OR1M1: variants seen among roughly 807,000 people sequenced by gnomAD.
OR1M1 encodes olfactory receptor 1M1.
For synonymous variants in OR1M1, 157 were observed against 165.5 expected (o/e 0.95, Z 0.39); for missense variants, 397 against 401.8 (o/e 0.99, Z 0.10).
chr19:9,093,695 T>C lies in OR1M1; in HGVS notation c.451T>C (p.Phe151Leu), dbSNP rs375660862. The change falls in exon 2 of 2, where the codon TTT becomes CTT. Residue 151 changes from phenylalanine (F) to leucine (L), a missense_variant. By Grantham distance (22) the Phe-to-Leu change is conservative. Transcript: ENST00000641627. Reference protein sequence around the residue: ...CRLLVGALWAFSCFISLTHIL... With the variant: ...CRLLVGALWALSCFISLTHIL... ...CCTGCTGGTCGGCGCCCTCTGGGCG[T>C]TTTCCTGCTTCATCTCACTCACTCA... 3.1e-6 allele frequency: 5 copies of C among 1,613,912 alleles called. No individual in the cohort carries two copies. The highest frequency in any genetic ancestry group is 1.6e-4 in the Middle Eastern group (1 of 6,062).
rs2050311469 is a variant in OR1M1 at position 9,093,887 on chromosome 19, C to G, written c.643C>G (p.Leu215Val). 6.2e-7 allele frequency: 1 copy of G among 1,614,060 alleles called. No individual in the cohort carries two copies. Among genetic ancestry groups the G allele is most frequent in the Non-Finnish European group, 8.5e-7 (1 of 1,180,048 alleles). Residue 215 changes from leucine to valine, a missense_variant, in exon 2 of 2, where the codon CTG becomes GTG. By Grantham distance (32) the Leu-to-Val change is conservative (BLOSUM62 1). Coordinates refer to ENST00000641627, the MANE Select transcript of OR1M1 (RefSeq NM_001004456.2). ...MVIATPFVCI[L>V]ASYARILVAI... ...GATAGCCACGCCCTTTGTCTGCATC[C>G]TGGCCTCCTATGCTCGCATCCTTGT...
chr19:9,093,738 G>A lies in OR1M1; in HGVS notation c.494G>A (p.Arg165His), dbSNP rs145395343. 3.6e-5 allele frequency: 58 copies of A among 1,613,954 alleles called. No homozygotes were observed. The African/African-American group carries it at 3.9e-4, about 11-fold the overall frequency. Reference protein sequence around the residue: ...ISLTHILLMARLVFCGSHEVP... With the variant: ...ISLTHILLMAHLVFCGSHEVP... ...CTCACTCACATCCTCCTGATGGCCC[G>A]TCTCGTTTTCTGCGGCAGCCATGAG... Residue 165 changes from arginine to histidine, a missense_variant, in exon 2 of 2, where the codon CGT (arginine) becomes CAT (histidine). Physicochemically the swap from Arg to His is conservative, Grantham distance 29. Coordinates refer to ENST00000641627, the MANE Select transcript of OR1M1 (RefSeq NM_001004456.2).
At chr19:9,092,904 A>AATAT (rs1245761464) in intron 1 of OR1M1, among the ~76,000 whole-genome samples, 1 of 149,556 alleles carries the variant, frequency 6.7e-6, no homozygotes, top group African/African-American at 2.4e-5. Flanking sequence ...CTGTCTCAAA[A>AATAT]ATATATATAT....
chr19:9,093,170 C>T (rs1290379328), intron 1 of OR1M1, 62 bp from the exon 2 acceptor site: 12 of 960,618 alleles, frequency 1.2e-5, no homozygotes, highest in Non-Finnish European at 1.9e-5. Context: ...GATGTGATCG[C>T]ATCTAACTTT....
intron 1 of OR1M1, among the ~76,000 whole-genome samples, chr19:9,090,754 G>C (rs1216991368): frequency 3.3e-5 from 5 of 151,992 alleles, no homozygotes; most frequent in Admixed American, 3.3e-4. Flanking sequence ...TTGTTTCAAA[G>C]GAAGATAATT....
intron 1 of OR1M1, among the ~76,000 whole-genome samples, chr19:9,088,286 T>C (rs7258981): frequency 0.29 from 43,921 of 151,974 alleles, 6,800 homozygotes; most frequent in African/African-American, 0.4. Context: ...ATTCCCCATG[T>C]TGGGTCTTGG....
chr19:9,092,320 G>A (rs1482913550), intron 1 of OR1M1, among the ~76,000 whole-genome samples: 1 of 151,976 alleles, frequency 6.6e-6, no homozygotes, highest in Non-Finnish European at 1.5e-5. Context: ...CAGGCCAAGT[G>A]CGGTAGCTCA....
At chr19:9,089,893 A>G (rs556122215) in intron 1 of OR1M1, among the ~76,000 whole-genome samples, 16 of 152,282 alleles carry the variant, frequency 1.1e-4, no homozygotes, top group Middle Eastern at 3.4e-3. Flanking sequence ...CTGTGAATTC[A>G]TGAATCCATG....
At chr19:9,090,669 G>C (rs2050287329) in intron 1 of OR1M1, among the ~76,000 whole-genome samples, 1 of 151,642 alleles carries the variant, frequency 6.6e-6, no homozygotes, top group Non-Finnish European at 1.5e-5. Context: ...CCCGACCTCA[G>C]GTGATCCGCC....
Position 9,091,424 on chromosome 19 carries a change from T to A in OR1M1, c.-13-1808T>A, listed in dbSNP as rs1399763418. Among the ~76,000 whole-genome samples the A allele has an allele frequency of 3.3e-5, 5 of 152,102 alleles. No homozygotes were observed. The East Asian group carries it at 9.7e-4, about 29-fold the overall frequency. On this transcript the variant is annotated intron_variant, in intron 1 of 1. Coordinates refer to ENST00000641627, the MANE Select transcript of OR1M1 (RefSeq NM_001004456.2). ...ACATGCTAAGAATAAAGCTGTTGGA[T>A]GTGAACTAAGGAGCACGTTGCTATT... is the stretch of plus-strand genomic sequence containing the variant.
Position 9,093,673 on chromosome 19 carries a change from G to C in OR1M1, c.429G>C (p.Leu143=). The change falls in exon 2 of 2, where the codon CTG becomes CTC. Residue 143 remains leucine (L), a synonymous_variant. Transcript: ENST00000641627. ...TCATGAGCCTACGCCTCTGTCGCCT[G>C]CTGGTCGGCGCCCTCTGGGCGTTTT... ...AKIMSLRLCR[L]LVGALWAFSC... 2 of 1,614,132 alleles carry C rather than the reference G, an allele frequency of 1.2e-6. No homozygotes were observed. The highest frequency in any genetic ancestry group is 2.2e-5 in the South Asian group (2 of 91,084).
chr19:9,092,234 T>C (rs1234083185), intron 1 of OR1M1, among the ~76,000 whole-genome samples: 1 of 151,840 alleles, frequency 6.6e-6, no homozygotes, highest in African/African-American at 2.4e-5. Context: ...CATTTTTTAA[T>C]TAATCAAAAA....
chr19:9,088,387 G>A (rs949583414), intron 1 of OR1M1, among the ~76,000 whole-genome samples: 3 of 152,072 alleles, frequency 2.0e-5, no homozygotes, highest in Non-Finnish European at 2.9e-5. Context: ...TGCTTCCTTG[G>A]AGAGAGGCTC....
chr19:9,090,370 T>A (rs1353993793), intron 1 of OR1M1, among the ~76,000 whole-genome samples: 2 of 152,224 alleles, frequency 1.3e-5, no homozygotes, highest in Non-Finnish European at 2.9e-5. Flanking sequence ...ATCTGCAAGG[T>A]GTTCATTAGA....
chr19:9,093,909 T>C lies in OR1M1; in HGVS notation c.665T>C (p.Leu222Pro), dbSNP rs2050311716. ...ATCCTGGCCTCCTATGCTCGCATCC[T>C]TGTGGCCATCATGAAGGTCCCCTCT... is the stretch of plus-strand genomic sequence containing the variant. ...VCILASYARILVAIMKVPSAG... is the reference protein window; with the variant it reads ...VCILASYARIPVAIMKVPSAG... The change falls in exon 2 of 2, where the codon CTT (leucine) becomes CCT (proline). Residue 222 changes from leucine to proline, a missense_variant. By Grantham distance (98) the Leu-to-Pro change is moderately conservative. Coordinates refer to ENST00000641627, the MANE Select transcript of OR1M1 (RefSeq NM_001004456.2). 7 of 1,614,210 alleles carry C rather than the reference T, an allele frequency of 4.3e-6. No homozygotes were observed. The highest frequency in any genetic ancestry group is 1.1e-5 in the South Asian group (1 of 91,086).
rs2050268981 is a variant in OR1M1, at chr19:9,087,084, T to C, written c.-87T>C. 6.6e-6 allele frequency: 1 copy of C among 152,028 alleles called. No homozygotes were observed. The highest frequency in any genetic ancestry group is 2.1e-4 in the South Asian group (1 of 4,810). 9.4% of individuals were successfully genotyped at this position (152,028 alleles called of 1,614,324 possible). Reference sequence around the variant, plus strand: ...CCAAACATCTAACTTCATCATCTAGTACCTGCTGGGAGGACACTGAGCCAG... The same window carrying C: ...CCAAACATCTAACTTCATCATCTAGCACCTGCTGGGAGGACACTGAGCCAG... On this transcript the variant is annotated 5_prime_UTR_variant, in exon 1 of 2. Transcript: ENST00000641627.
chr19:9,089,415 T>C (rs1242102950), intron 1 of OR1M1, among the ~76,000 whole-genome samples: 1 of 135,076 alleles, frequency 7.4e-6, no homozygotes, highest in African/African-American at 2.9e-5. Flanking sequence ...TGTGTATTTC[T>C]ACCACATTTT....
At chr19:9,088,085 T>A (rs946790657) in intron 1 of OR1M1, among the ~76,000 whole-genome samples, 3 of 151,808 alleles carry the variant, frequency 2.0e-5, no homozygotes, top group African/African-American at 7.3e-5. Context: ...GAGCTGGGGT[T>A]TCACCATAAT....
In OR1M1 at chr19:9,093,936, C is replaced by T. The variant is rs145307546; in HGVS notation, c.692C>T (p.Ala231Val). The change falls in exon 2 of 2, where the codon GCA (alanine) becomes GTA (valine). Residue 231 changes from alanine (A) to valine (V), a missense_variant. Physicochemically the swap from Ala to Val is moderately conservative, Grantham distance 64. Coordinates refer to ENST00000641627, the MANE Select transcript of OR1M1 (RefSeq NM_001004456.2). ...ILVAIMKVPS[A>V]GGRKKAFSTC... ...GTGGCCATCATGAAGGTCCCCTCTG[C>T]AGGCGGCAGGAAGAAAGCCTTCTCC... 1.3e-4 allele frequency: 208 copies of T among 1,614,044 alleles called. 1 individual carries two copies. The highest frequency in any genetic ancestry group is 3.3e-4 in the Middle Eastern group (2 of 6,084).
Sources: gnomAD v4.1 joint callset for allele counts (sites outside exome capture counted in the v4.1 genomes callset) on GRCh38, gnomAD v4.1.1 for gene constraint, MANE v1.5 for transcripts, NCBI Gene and HGNC (gene_info 2026-07-23, HGNC 2026-07-21) for gene names.